Variants in USP13 observed in about 807,000 individuals in gnomAD.
USP13 encodes ubiquitin carboxyl-terminal hydrolase 13.
USP13 carries 68 observed loss-of-function variants against 107.8 expected under a neutral mutation model. The ratio of observed to expected loss-of-function variants is 0.63; its 90% CI spans 0.52 to 0.77. The LOEUF (loss-of-function observed/expected upper bound fraction) is 0.77. Ranked by LOEUF, USP13 falls within the 30% of genes least tolerant of loss-of-function variation. The pLI, the probability that USP13 is intolerant of heterozygous loss-of-function variation, is 0.00. For missense variants in USP13, 945 were observed against 1,093.3 expected, an observed-to-expected ratio of 0.86 and a Z score of 1.91; for synonymous variants, 377 against 389.5, an observed-to-expected ratio of 0.97 and a Z score of 0.38.
Position 179,742,269 on chromosome 3 carries a change from C to T in USP13, c.1453C>T (p.Gln485Ter). 1 of 1,614,234 alleles carries T rather than the reference C, an allele frequency of 6.2e-7. No individual in the cohort carries two copies. The highest frequency in any genetic ancestry group is 8.5e-7 in the Non-Finnish European group (1 of 1,180,050). ...FLVEERIQCCQTRKVRYTERV... is the reference protein window; with the variant it reads ...FLVEERIQCC ...GGTGGAAGAACGCATTCAGTGCTGTCAGACCCGGAAAGTCCGCTACACGGA... is the reference window on the plus strand; with the variant it reads ...GGTGGAAGAACGCATTCAGTGCTGTTAGACCCGGAAAGTCCGCTACACGGA... Residue 485 changes from glutamine to a stop codon, truncating the protein, a stop_gained, in exon 12 of 21, where the codon CAG (glutamine) becomes TAG (stop). Transcript: ENST00000263966. LOFTEE classifies it high-confidence loss of function. The surrounding 1 kb of genome is among the most constrained non-coding windows in gnomAD (Gnocchi z 5.0).
intron 4 of USP13, among the ~76,000 whole-genome samples, chr3:179,702,031 C>CT (rs1346764270): frequency 6.7e-6 from 1 of 149,898 alleles, no homozygotes; most frequent in African/African-American, 2.5e-5. Flanking sequence ...TGTTTTTTTT[C>CT]TTTTTTGAGA....
chr3:179,744,343 GT>G (rs3216643), intron 12 of USP13, among the ~76,000 whole-genome samples: 10,450 of 121,184 alleles, frequency 0.086, 540 homozygotes, highest in East Asian at 0.28. Flanking sequence ...TGGTGGTTCT[GT>G]TTTTTTTTTT....
At chr3:179,750,903 C>T (rs1380085220) in intron 13 of USP13, among the ~76,000 whole-genome samples, 2 of 152,054 alleles carry the variant, frequency 1.3e-5, no homozygotes, top group Non-Finnish European at 2.9e-5. Flanking sequence ...TGTTTTTTGC[C>T]CCGTGTTCTG....
intron 15 of USP13, among the ~76,000 whole-genome samples, chr3:179,755,997 G>T (rs1714778308): frequency 6.6e-6 from 1 of 152,214 alleles, no homozygotes; most frequent in African/African-American, 2.4e-5. Context: ...ACGTAGTACA[G>T]GTGGTTCATT....
chr3:179,725,587 C>G (rs1225576600), intron 8 of USP13, among the ~76,000 whole-genome samples: 2 of 152,188 alleles, frequency 1.3e-5, no homozygotes, highest in Admixed American at 1.3e-4. Context: ...AATTAGAAGT[C>G]ATTGCCAAGT....
intron 16 of USP13, among the ~76,000 whole-genome samples, 181 bp from the exon 17 acceptor site, chr3:179,760,931 A>G (rs1407783732): frequency 6.6e-6 from 1 of 152,252 alleles, no homozygotes; most frequent in Non-Finnish European, 1.5e-5. Flanking sequence ...ATATAAACTT[A>G]GCCCAAATAG....
At chr3:179,726,759 C>T (rs893993615) in intron 8 of USP13, among the ~76,000 whole-genome samples, 4 of 152,056 alleles carry the variant, frequency 2.6e-5, no homozygotes, top group Admixed American at 2.6e-4. Context: ...CTCACTGCAG[C>T]CTTGACCTCC....
intron 2 of USP13, among the ~76,000 whole-genome samples, chr3:179,682,630 T>C (rs909982087): frequency 6.6e-6 from 1 of 152,216 alleles, no homozygotes; most frequent in African/African-American, 2.4e-5. Context: ...AATCTGTCCA[T>C]GTCGAGATAC....
chr3:179,687,913 C>G (rs1289641545), intron 2 of USP13, among the ~76,000 whole-genome samples: 1 of 151,972 alleles, frequency 6.6e-6, no homozygotes, highest in Admixed American at 6.6e-5. Flanking sequence ...CCTTTCTAAC[C>G]CTCACTCTTA....
intron 1 of USP13, among the ~76,000 whole-genome samples, chr3:179,655,548 G>GTTTTTTTTTTTTTTTTTTTTTTTTTTTT (rs150977876): frequency 3.8e-5 from 5 of 131,426 alleles, no homozygotes; most frequent in South Asian, 2.4e-4. Flanking sequence ...TAATGGGAAG[G>GTTTTTTTTTTTTTTTTTTTTTTTTTTTT]TTTTTTTTGT....
At chr3:179,760,450 AT>A (rs1249500775) in intron 16 of USP13, among the ~76,000 whole-genome samples, 1 of 145,268 alleles carries the variant, frequency 6.9e-6, no homozygotes, top group African/African-American at 2.5e-5. Context: ...CGCCCGGCTA[AT>A]TTTTTGTATT....
At chr3:179,713,045 A>G (rs986885935) in intron 6 of USP13, among the ~76,000 whole-genome samples, 1 of 152,164 alleles carries the variant, frequency 6.6e-6, no homozygotes, top group African/African-American at 2.4e-5. Flanking sequence ...CTCTTTGATT[A>G]TTAAGAATAT....
intron 13 of USP13, among the ~76,000 whole-genome samples, chr3:179,749,596 C>T (rs1026073337): frequency 1.6e-4 from 24 of 152,074 alleles, no homozygotes; most frequent in African/African-American, 5.1e-4. Flanking sequence ...TACATGTGAG[C>T]GATTCAACTT....
chr3:179,701,036 C>T lies in USP13; in HGVS notation c.384C>T (p.Ser128=), dbSNP rs759765443. ...TAGATACTGATGACGATTTAAATAG[C>T]GACGATTATGAATATGAAGATGAAG... ...LDLDTDDDLN[S]DDYEYEDEAK... Residue 128 remains serine, a synonymous_variant, in exon 4 of 21, where the codon AGC becomes AGT. Coordinates refer to ENST00000263966, the MANE Select transcript of USP13 (RefSeq NM_003940.3). 19 of 1,613,476 alleles carry T rather than the reference C, an allele frequency of 1.2e-5. No homozygotes were observed. The East Asian group carries it at 2.9e-4, about 25-fold the overall frequency.
Position 179,681,868 on chromosome 3 carries a change from T to C in USP13, c.169-10T>C. The C allele has an allele frequency of 1.2e-6, 2 of 1,610,124 alleles. No homozygotes were observed. The highest frequency in any genetic ancestry group is 1.7e-6 in the Non-Finnish European group (2 of 1,177,772). On this transcript the variant is annotated splice_polypyrimidine_tract_variant and intron_variant, in intron 1 of 20. Transcript: ENST00000263966. Reference sequence around the variant, plus strand: ...GTCGTCGGCTAATGTACTTTTTCTCTTTCTTCTAGAATTCTGAAGGTGGAC... The same window carrying C: ...GTCGTCGGCTAATGTACTTTTTCTCCTTCTTCTAGAATTCTGAAGGTGGAC...
rs144481025 is a variant in USP13, at chr3:179,670,760, T to G, written c.169-11118T>G. Among the ~76,000 whole-genome samples, 374 of 152,106 alleles carry G rather than the reference T, an allele frequency of 2.5e-3. 11 individuals carry two copies. In the East Asian group the frequency reaches 0.064, roughly 26 times the overall value. ...TCACCTAGGCTGGAGTGCAGTGGCATGATCTCCGCTCACTGCAACCTCTGC... is the reference window on the plus strand; with the variant it reads ...TCACCTAGGCTGGAGTGCAGTGGCAGGATCTCCGCTCACTGCAACCTCTGC... On this transcript the variant is annotated intron_variant, in intron 1 of 20. Transcript: ENST00000263966.
intron 6 of USP13, among the ~76,000 whole-genome samples, chr3:179,709,523 A>G (rs1324294675): frequency 6.6e-6 from 1 of 152,198 alleles, no homozygotes; most frequent in Non-Finnish European, 1.5e-5. Flanking sequence ...TCCTTCTTGC[A>G]CTGTCAGCTT....
At chr3:179,716,699 A>G (rs956951706) in intron 6 of USP13, among the ~76,000 whole-genome samples, 7 of 152,198 alleles carry the variant, frequency 4.6e-5, no homozygotes, top group African/African-American at 9.7e-5. Context: ...AAAACAGAGG[A>G]GAAAAAAAGA....
chr3:179,672,447 C>T (rs549056032), intron 1 of USP13, among the ~76,000 whole-genome samples: 7 of 150,204 alleles, frequency 4.7e-5, no homozygotes, highest in South Asian at 2.1e-4. Context: ...TGCAATGGCG[C>T]GATCTTGGCT....
Sources: allele counts gnomAD v4.1 joint callset (sites outside exome capture counted in the v4.1 genomes callset), GRCh38; gene constraint gnomAD v4.1.1; non-coding constraint Gnocchi (gnomAD v3.1); transcripts MANE v1.5; gene names NCBI Gene and HGNC (gene_info 2026-07-23, HGNC 2026-07-21).